TCF4: variants seen among roughly 807,000 people sequenced by gnomAD.
TCF4 encodes SL3-3 enhancer factor 2.
Under a neutral mutation model 82.1 loss-of-function variants are expected in TCF4, and 3 were observed. The ratio of observed to expected loss-of-function variants is 0.04; its 90% confidence interval spans 0.02 to 0.09. TCF4 has a LOEUF of 0.09. Ranked by LOEUF, TCF4 falls within the 10% of genes least tolerant of loss-of-function variation. The pLI is 1.00. For synonymous variants in TCF4, 276 were observed against 309.6 expected, an observed-to-expected ratio of 0.89 and a Z score of 1.14; for missense variants, 518 against 852.7, an observed-to-expected ratio of 0.61 and a Z score of 4.89.
chr18:55,422,125 CAAAAAAAAA>C (rs555892552), intron 5 of TCF4: 23,657 of 323,444 alleles, frequency 0.073, 1,090 homozygotes, highest in African/African-American at 0.27. Context: ...CACTATCATC[CAAAAAAAAA>C]AAAAAAAAAA....
In TCF4 at chr18:55,391,289, G is replaced by A. The variant is rs577004326; in HGVS notation, c.369+12165C>T. 8.0e-4 allele frequency among the ~76,000 whole-genome samples: 122 copies of A among 152,292 alleles called. No individual in the cohort carries two copies. In the South Asian group the frequency reaches 0.023, roughly 29 times the overall value. On this transcript the variant is annotated intron_variant, in intron 6 of 19. Coordinates refer to ENST00000354452, the MANE Select transcript of TCF4 (RefSeq NM_001083962.2). ...GATGGGACTTCAAAGCAGTGGCAGGGTGCAAGTTAAGGTGTATTCCCCAAC... is the reference window on the plus strand; with the variant it reads ...GATGGGACTTCAAAGCAGTGGCAGGATGCAAGTTAAGGTGTATTCCCCAAC...
chr18:55,399,853 ATCTCTCTCTCTCTC>A (rs35948563), intron 6 of TCF4, among the ~76,000 whole-genome samples: 2 of 83,768 alleles, frequency 2.4e-5, no homozygotes, highest in East Asian at 3.2e-4. Flanking sequence ...CTCTCTCCCC[ATCTCTCTCTCTCTC>A]TCTCTCTCTC....
At chr18:55,269,794 A>G (rs2059963803) in intron 11 of TCF4, 37 bp downstream of exon 11, 6 of 1,612,436 alleles carry the variant, frequency 3.7e-6, no homozygotes, top group Non-Finnish European at 5.1e-6. Context: ...CTCTGACACC[A>G]ATTGTTGGTA....
upstream of TCF4, chr18:55,589,255 C>A: frequency 9.5e-7 from 1 of 1,048,678 alleles, no homozygotes; most frequent in Non-Finnish European, 1.2e-6. Context: ...AAATTAAATT[C>A]AATTACAAAC....
intron 3 of TCF4, among the ~76,000 whole-genome samples, chr18:55,575,920 A>G (rs1213045536): frequency 6.6e-6 from 1 of 152,228 alleles, no homozygotes; most frequent in African/African-American, 2.4e-5. Flanking sequence ...GCATTTCTCA[A>G]TATATAATAT....
At chr18:55,591,083 G>A (rs765914298), upstream of TCF4, 1 of 152,228 alleles carries the variant, frequency 6.6e-6, no homozygotes, top group Non-Finnish European at 1.5e-5. Context: ...GGCAGTAACA[G>A]AGTTCAGATC....
chr18:55,307,725 A>G (rs533281585), intron 8 of TCF4, among the ~76,000 whole-genome samples: 1 of 152,324 alleles, frequency 6.6e-6, no homozygotes, highest in Admixed American at 6.5e-5. Context: ...CACAGCACAC[A>G]AATGCTTCTC....
Position 55,513,369 on chromosome 18 carries a change from C to CTT in TCF4, c.146-49234_146-49233dup, listed in dbSNP as rs71167299. 7.7e-5 allele frequency among the ~76,000 whole-genome samples: 11 copies of CTT among 142,088 alleles called. No homozygotes were observed. The South Asian group carries it at 1.6e-3, about 20-fold the overall frequency. 93.2% of individuals were successfully genotyped at this position (142,088 alleles called of 152,430 possible). On this transcript the variant is annotated intron_variant, in intron 3 of 19. Transcript: ENST00000354452. ...ATGTCTTATCATTCCTAGCCCTCAG[C>CTT]TTTTTTTTTTTTTTTTACATCAATA...
At chr18:55,484,557 C>T (rs912125102) in intron 3 of TCF4, among the ~76,000 whole-genome samples, 2 of 152,146 alleles carry the variant, frequency 1.3e-5, no homozygotes, top group African/African-American at 4.8e-5. Flanking sequence ...TTGCTAAAAT[C>T]TCGTCTTTTT....
intron 3 of TCF4, among the ~76,000 whole-genome samples, chr18:55,549,561 C>G (rs2147110975): frequency 6.6e-6 from 1 of 152,244 alleles, no homozygotes; most frequent in South Asian, 2.1e-4. Context: ...TCTAGGCCTA[C>G]ATAGGGTCTG....
At chr18:55,383,654 G>A (rs1380339286) in intron 6 of TCF4, among the ~76,000 whole-genome samples, 2 of 152,174 alleles carry the variant, frequency 1.3e-5, no homozygotes, top group Non-Finnish European at 2.9e-5. Flanking sequence ...TGGCTTACAG[G>A]AAATGTCCCA....
At chr18:55,475,179 C>CT (rs2096265577) in intron 3 of TCF4, among the ~76,000 whole-genome samples, 1 of 152,214 alleles carries the variant, frequency 6.6e-6, no homozygotes, top group South Asian at 2.1e-4. Context: ...ATGCACTGCA[C>CT]TGAATTGTCT....
At chr18:55,596,507 T>C (rs775641321) in intron 2 of TCF4, among the ~76,000 whole-genome samples, 1 of 152,214 alleles carries the variant, frequency 6.6e-6, no homozygotes, top group Non-Finnish European at 1.5e-5. Context: ...GTAATTAGGA[T>C]ACATATGCTT....
At chr18:55,259,638 G>T in intron 13 of TCF4, 1 of 287,802 alleles carries the variant, frequency 3.5e-6, no homozygotes, top group Non-Finnish European at 6.5e-6. Flanking sequence ...CATCTGAGAC[G>T]TTTTATTGGA....
chr18:55,313,547 C>T (rs1405704627), intron 8 of TCF4, among the ~76,000 whole-genome samples: 1 of 151,884 alleles, frequency 6.6e-6, no homozygotes, highest in Non-Finnish European at 1.5e-5. Flanking sequence ...TCCTAAAGAA[C>T]TCAAAATTTA....
chr18:55,471,062 G>A (rs529079730), intron 3 of TCF4, among the ~76,000 whole-genome samples: 7 of 152,242 alleles, frequency 4.6e-5, no homozygotes, highest in Admixed American at 6.5e-5. Context: ...TATGCTCTCC[G>A]TCAGTGCCAG....
intron 5 of TCF4, among the ~76,000 whole-genome samples, chr18:55,445,800 CT>C: frequency 6.6e-6 from 1 of 152,184 alleles, no homozygotes; most frequent in Non-Finnish European, 1.5e-5. Context: ...TGGTAATTTT[CT>C]TTCCATCAGG....
At chr18:55,293,916 T>C (rs2065739198) in intron 8 of TCF4, among the ~76,000 whole-genome samples, 1 of 133,316 alleles carries the variant, frequency 7.5e-6, no homozygotes, top group Non-Finnish European at 1.6e-5. Context: ...TTTCATCTTC[T>C]AAACTTTCCA....
chr18:55,464,536 T>C (rs1353945299), intron 3 of TCF4, among the ~76,000 whole-genome samples: 4 of 152,224 alleles, frequency 2.6e-5, no homozygotes, highest in Admixed American at 1.3e-4. Flanking sequence ...ACCTTTAGCA[T>C]CCTCGCCATA....
Sources: gnomAD v4.1 joint callset for allele counts (sites outside exome capture counted in the v4.1 genomes callset) on GRCh38, gnomAD v4.1.1 for gene constraint, MANE v1.5 for transcripts, NCBI Gene and HGNC (gene_info 2026-07-23, HGNC 2026-07-21) for gene names.